CACNA2D3: variants seen among roughly 807,000 people sequenced by gnomAD.
CACNA2D3 encodes voltage-dependent calcium channel subunit alpha-2/delta-3.
CACNA2D3 carries 60 observed loss-of-function variants against 160.6 expected under a neutral mutation model. That is an observed-to-expected ratio of 0.37 (90% CI 0.30 to 0.46). CACNA2D3 has a LOEUF of 0.46. Ranked by LOEUF, CACNA2D3 falls within the 20% of genes least tolerant of loss-of-function variation. The probability of loss-of-function intolerance (pLI) is 1.00; values close to 1 mark genes in which losing one functional copy is unlikely to be tolerated. For synonymous variants in CACNA2D3, 558 were observed against 492.9 expected (o/e 1.13, Z -1.75); for missense variants, 1,205 against 1,365.0 (o/e 0.88, Z 1.85).
intron 35 of CACNA2D3, among the ~76,000 whole-genome samples, chr3:55,022,838 G>T (rs1292559019): frequency 6.6e-6 from 1 of 151,204 alleles, no homozygotes; most frequent in Non-Finnish European, 1.5e-5. Context: ...CTTACATTTT[G>T]TTAAGTTGGA....
intron 35 of CACNA2D3, among the ~76,000 whole-genome samples, chr3:55,069,748 G>T (rs986848215): frequency 6.6e-6 from 1 of 152,124 alleles, no homozygotes; most frequent in Non-Finnish European, 1.5e-5. Flanking sequence ...ATGGCAATTG[G>T]TCTGCTCATG....
At chr3:54,642,667 A>G (rs1045230371) in intron 11 of CACNA2D3, among the ~76,000 whole-genome samples, 1 of 152,170 alleles carries the variant, frequency 6.6e-6, no homozygotes, top group Non-Finnish European at 1.5e-5. Context: ...ATTACCACCC[A>G]GAAACTTCTC....
chr3:54,151,007 A>G (rs892192510), intron 2 of CACNA2D3, among the ~76,000 whole-genome samples: 1 of 151,242 alleles, frequency 6.6e-6, no homozygotes, highest in African/African-American at 2.4e-5. Context: ...TGGATAGATG[A>G]ATGAATGGAT....
intron 29 of CACNA2D3, among the ~76,000 whole-genome samples, chr3:54,977,462 A>C (rs1302097942): frequency 6.6e-6 from 1 of 152,192 alleles, no homozygotes; most frequent in Non-Finnish European, 1.5e-5. Flanking sequence ...GCATTGCTCA[A>C]TATTTACAGT....
chr3:54,338,868 A>G (rs73841982), intron 3 of CACNA2D3, among the ~76,000 whole-genome samples: 4,948 of 152,238 alleles, frequency 0.033, 275 homozygotes, highest in African/African-American at 0.11. Context: ...CACACGCCAA[A>G]GCCCATTAAT....
At chr3:54,672,184 G>A (rs1477338697) in intron 11 of CACNA2D3, among the ~76,000 whole-genome samples, 1 of 152,216 alleles carries the variant, frequency 6.6e-6, no homozygotes, top group Non-Finnish European at 1.5e-5. Context: ...ATTTGCAACT[G>A]GTTGAGCCGT....
chr3:54,141,587 G>C (rs1699936322), intron 2 of CACNA2D3, among the ~76,000 whole-genome samples: 1 of 152,184 alleles, frequency 6.6e-6, no homozygotes, highest in Non-Finnish European at 1.5e-5. Flanking sequence ...AAAAGTCCTC[G>C]AACTCAGCCC....
At chr3:54,198,154 A>C (rs1701114748) in intron 2 of CACNA2D3, among the ~76,000 whole-genome samples, 1 of 152,212 alleles carries the variant, frequency 6.6e-6, no homozygotes, top group African/African-American at 2.4e-5. Context: ...CATAACAAGG[A>C]CGGGAGCAAA....
intron 4 of CACNA2D3, among the ~76,000 whole-genome samples, chr3:54,492,058 G>A (rs562377934): frequency 6.6e-6 from 1 of 152,124 alleles, no homozygotes; most frequent in African/African-American, 2.4e-5. Context: ...GCTCTACATG[G>A]TTACAGGAGC....
Position 55,073,879 on chromosome 3 carries a change from C to A in CACNA2D3, c.3183+20C>A. 6.3e-7 allele frequency: 1 copy of A among 1,598,006 alleles called. No individual in the cohort carries two copies. The highest frequency in any genetic ancestry group is 8.6e-7 in the Non-Finnish European group (1 of 1,166,226). ...CCTGAGGTAAGTCTGAGAACTGTTCCTGTTTCCTTTTCCCATCAGAATCAC... is the reference window on the plus strand; with the variant it reads ...CCTGAGGTAAGTCTGAGAACTGTTCATGTTTCCTTTTCCCATCAGAATCAC... On this transcript the variant is annotated intron_variant, in intron 37 of 37. Coordinates refer to ENST00000474759, the MANE Select transcript of CACNA2D3 (RefSeq NM_018398.3).
chr3:54,327,721 A>C (rs376653641), intron 3 of CACNA2D3, among the ~76,000 whole-genome samples: 1 of 152,244 alleles, frequency 6.6e-6, no homozygotes, highest in African/African-American at 2.4e-5. Context: ...AGCATGAAGA[A>C]ATAAGTTTCA....
intron 5 of CACNA2D3, among the ~76,000 whole-genome samples, chr3:54,520,210 C>T (rs1030629732): frequency 1.3e-5 from 2 of 152,236 alleles, no homozygotes; most frequent in African/African-American, 4.8e-5. Flanking sequence ...CCTGGCCTTT[C>T]TCACATTATA....
At chr3:54,391,061 T>C (rs1699271093) in intron 4 of CACNA2D3, among the ~76,000 whole-genome samples, 1 of 152,072 alleles carries the variant, frequency 6.6e-6, no homozygotes, top group South Asian at 2.1e-4. Context: ...AACTCATATA[T>C]ATCTTAGCTT....
intron 4 of CACNA2D3, among the ~76,000 whole-genome samples, chr3:54,437,868 C>T (rs1302508521): frequency 6.6e-6 from 1 of 152,186 alleles, no homozygotes; most frequent in African/African-American, 2.4e-5. Context: ...GGAAGACAGA[C>T]ACTCATTGGC....
At chr3:54,389,467 T>G (rs1419050498) in intron 4 of CACNA2D3, among the ~76,000 whole-genome samples, 1 of 152,194 alleles carries the variant, frequency 6.6e-6, no homozygotes, top group Non-Finnish European at 1.5e-5. Context: ...AGTCTCAAAC[T>G]ATTTGCCCAC....
At chr3:54,150,318 A>G (rs931882616) in intron 2 of CACNA2D3, among the ~76,000 whole-genome samples, 2 of 152,192 alleles carry the variant, frequency 1.3e-5, no homozygotes, top group African/African-American at 4.8e-5. Flanking sequence ...GGAAATACTT[A>G]GGGGATTTTG....
chr3:54,416,003 C>T (rs773675708), intron 4 of CACNA2D3, among the ~76,000 whole-genome samples: 2 of 152,022 alleles, frequency 1.3e-5, no homozygotes, highest in Non-Finnish European at 2.9e-5. Context: ...CCCAGAAATG[C>T]GTGAAACCCA....
intron 4 of CACNA2D3, among the ~76,000 whole-genome samples, chr3:54,476,661 T>C (rs2106887998): frequency 6.6e-6 from 1 of 152,332 alleles, no homozygotes; most frequent in East Asian, 1.9e-4. Flanking sequence ...TGATTAGTGA[T>C]GTTGATCACC....
intron 14 of CACNA2D3, among the ~76,000 whole-genome samples, chr3:54,817,282 G>T (rs1263974077): frequency 6.6e-6 from 1 of 152,176 alleles, no homozygotes; most frequent in African/African-American, 2.4e-5. Flanking sequence ...AAGCCAAATC[G>T]CTGAAAACTT....
Sources: allele counts gnomAD v4.1 joint callset (sites outside exome capture counted in the v4.1 genomes callset), GRCh38; gene constraint gnomAD v4.1.1; transcripts MANE v1.5; gene names NCBI Gene and HGNC (gene_info 2026-07-23, HGNC 2026-07-21).